TSPAN18: variants seen among roughly 807,000 people sequenced by gnomAD.
The protein encoded by TSPAN18 is tetraspanin 18.
A neutral mutation model predicts 27.3 loss-of-function variants in TSPAN18; 14 were observed. That is an observed-to-expected ratio of 0.51 (90% CI 0.34 to 0.80). The LOEUF (loss-of-function observed/expected upper bound fraction) is 0.80. Among genes scored for constraint, TSPAN18 ranks in the 30% least tolerant of loss-of-function variants. The probability of loss-of-function intolerance (pLI) is 0.01; values close to 1 mark genes in which losing one functional copy is unlikely to be tolerated. For missense variants in TSPAN18, 268 were observed against 323.9 expected (o/e 0.83, Z 1.32); for synonymous variants, 143 against 136.5 (o/e 1.05, Z -0.33).
At chr11:44,928,142 A>G (rs1242369727) in intron 9 of TSPAN18, among the ~76,000 whole-genome samples, 5 of 152,160 alleles carry the variant, frequency 3.3e-5, no homozygotes, top group Non-Finnish European at 5.9e-5. Context: ...TGAGAACATC[A>G]GCAAATCTGG....
chr11:44,840,774 T>C (rs1456747659), intron 2 of TSPAN18, among the ~76,000 whole-genome samples: 2 of 152,176 alleles, frequency 1.3e-5, no homozygotes, highest in African/African-American at 2.4e-5. Context: ...AAAAGCACCA[T>C]CTAGAGAGAT....
intron 1 of TSPAN18, among the ~76,000 whole-genome samples, chr11:44,757,144 T>C (rs1855350454): frequency 6.6e-6 from 1 of 152,240 alleles, no homozygotes; most frequent in Admixed American, 6.5e-5. Context: ...GGTAATTCTA[T>C]TTTTAATTTT....
intron 3 of TSPAN18, among the ~76,000 whole-genome samples, chr11:44,870,528 C>T (rs1858165709): frequency 6.6e-6 from 1 of 152,186 alleles, no homozygotes; most frequent in South Asian, 2.1e-4. Context: ...ACTGAGACCC[C>T]TCTGACATCT....
In TSPAN18 at chr11:44,909,800, G is replaced by A. The variant is rs371587292; in HGVS notation, c.159G>A (p.Thr53=). The A allele has an allele frequency of 3.2e-5, 51 of 1,614,020 alleles. 1 individual carries two copies. The highest frequency in any genetic ancestry group is 2.0e-4 in the East Asian group (9 of 44,880). Residue 53 remains threonine (T), a synonymous_variant, in exon 5 of 10, where the codon ACG becomes ACA. Transcript: ENST00000520358. ...EIVAANPLLL[T]GAYILLAMGG... is the part of the protein sequence containing the mutation. ...TGGCTGCCAATCCTCTGCTCCTCACGGGCGCCTACATCCTCCTGGCCATGG... is the reference window on the plus strand; with the variant it reads ...TGGCTGCCAATCCTCTGCTCCTCACAGGCGCCTACATCCTCCTGGCCATGG...
intron 1 of TSPAN18, 66 bp downstream of exon 1, chr11:44,727,353 C>A (rs1345686312): frequency 6.6e-6 from 1 of 152,462 alleles, no homozygotes; most frequent in Non-Finnish European, 1.5e-5. Context: ...CCTGGGGACC[C>A]CCCCGCGCGC....
At chr11:44,909,289 C>T (rs1014504721) in intron 4 of TSPAN18, among the ~76,000 whole-genome samples, 1 of 151,966 alleles carries the variant, frequency 6.6e-6, no homozygotes, top group Non-Finnish European at 1.5e-5. Context: ...GGGCCTGCGA[C>T]CAAACTCTGA....
intron 2 of TSPAN18, among the ~76,000 whole-genome samples, chr11:44,806,240 G>A (rs1856591608): frequency 6.6e-6 from 1 of 151,986 alleles, no homozygotes. Flanking sequence ...TTGCCATGTT[G>A]GCCAGGCCGC....
chr11:44,730,904 G>A (rs1032665459), intron 1 of TSPAN18, among the ~76,000 whole-genome samples: 11 of 152,296 alleles, frequency 7.2e-5, no homozygotes, highest in Non-Finnish European at 1.2e-4. Flanking sequence ...GATTACAGGC[G>A]TGAGCCACTG....
chr11:44,767,167 C>G (rs754064096), intron 2 of TSPAN18, among the ~76,000 whole-genome samples: 1 of 152,138 alleles, frequency 6.6e-6, no homozygotes, highest in African/African-American at 2.4e-5. Context: ...TGTGTCAGCT[C>G]CCTGTCCTGA....
intron 3 of TSPAN18, among the ~76,000 whole-genome samples, chr11:44,880,472 G>C (rs1858459111): frequency 6.6e-6 from 1 of 152,216 alleles, no homozygotes; most frequent in African/African-American, 2.4e-5. Flanking sequence ...GTAAATGAGA[G>C]TGCGGGTGAA....
chr11:44,781,035 A>T (rs920753027), intron 2 of TSPAN18, among the ~76,000 whole-genome samples: 2 of 152,260 alleles, frequency 1.3e-5, no homozygotes, highest in African/African-American at 4.8e-5. Context: ...GGACTGGCTT[A>T]TCACAAACAT....
In TSPAN18 at chr11:44,922,413, C is replaced by T. The variant is rs137944503; in HGVS notation, c.615+2414C>T. On this transcript the variant is annotated intron_variant, in intron 8 of 9. Coordinates refer to ENST00000520358, the MANE Select transcript of TSPAN18 (RefSeq NM_130783.5). Reference sequence around the variant, plus strand: ...GATTACAGGCATGAACCACCATGTCCGGCCCTAGGATACATTTCTGACTTT... The same window carrying T: ...GATTACAGGCATGAACCACCATGTCTGGCCCTAGGATACATTTCTGACTTT... Among the ~76,000 whole-genome samples the T allele has an allele frequency of 2.5e-3, 386 of 152,172 alleles. 2 individuals carry two copies. The highest frequency in any genetic ancestry group is 8.7e-3 in the African/African-American group (359 of 41,502).
At position 44,873,002 on chromosome 11, in the gene TSPAN18, A is replaced by G. The variant is rs765398833; in HGVS notation, c.-11+12533A>G. On this transcript the variant is annotated intron_variant, in intron 3 of 9. Coordinates refer to ENST00000520358, the MANE Select transcript of TSPAN18 (RefSeq NM_130783.5). ...CAGGATACCTAGGGCTGTGGCACCTAGCCAGGCCTGGAGAGACACCAGGGA... is the reference window on the plus strand; with the variant it reads ...CAGGATACCTAGGGCTGTGGCACCTGGCCAGGCCTGGAGAGACACCAGGGA... Among the ~76,000 whole-genome samples the G allele has an allele frequency of 5.3e-5, 8 of 152,260 alleles. No homozygotes were observed. In the Middle Eastern group the frequency reaches 0.01, roughly 194 times the overall value.
chr11:44,756,416 A>G (rs1855334936), intron 1 of TSPAN18, among the ~76,000 whole-genome samples: 2 of 152,190 alleles, frequency 1.3e-5, no homozygotes, highest in South Asian at 2.1e-4. Flanking sequence ...AAAATACAAC[A>G]TAAAATTTAC....
chr11:44,894,531 A>G (rs559799308), intron 3 of TSPAN18, among the ~76,000 whole-genome samples: 12 of 152,294 alleles, frequency 7.9e-5, no homozygotes, highest in African/African-American at 2.9e-4. Flanking sequence ...TTAATCAGAG[A>G]GCCCCTCCTG....
chr11:44,838,310 C>T (rs1040175086), intron 2 of TSPAN18, among the ~76,000 whole-genome samples: 3 of 152,056 alleles, frequency 2.0e-5, no homozygotes, highest in Non-Finnish European at 2.9e-5. Flanking sequence ...AAGGAACTCC[C>T]CTTTATAAAT....
intron 2 of TSPAN18, among the ~76,000 whole-genome samples, chr11:44,807,566 A>G (rs1856628847): frequency 6.6e-6 from 1 of 151,776 alleles, no homozygotes. Flanking sequence ...AGAAAAAAGA[A>G]TAGCACAGGT....
chr11:44,764,133 G>T (rs952728757), intron 1 of TSPAN18, among the ~76,000 whole-genome samples: 4 of 152,112 alleles, frequency 2.6e-5, no homozygotes, highest in Admixed American at 2.6e-4. Flanking sequence ...GCACTGAGGG[G>T]ACAGTGCTAA....
intron 3 of TSPAN18, among the ~76,000 whole-genome samples, chr11:44,902,471 G>A (rs1859297690): frequency 6.6e-6 from 1 of 152,214 alleles, no homozygotes; most frequent in African/African-American, 2.4e-5. Flanking sequence ...CCGTTCTGTA[G>A]GAAGAGAGCC....
Sources: allele counts gnomAD v4.1 joint callset (sites outside exome capture counted in the v4.1 genomes callset), GRCh38; gene constraint gnomAD v4.1.1; transcripts MANE v1.5; gene names NCBI Gene and HGNC (gene_info 2026-07-23, HGNC 2026-07-21).